MORN4: variants seen among roughly 807,000 people sequenced by gnomAD.
MORN4 encodes MORN repeat-containing protein 4.
MORN4 carries 8 observed loss-of-function variants against 16.4 expected under a neutral mutation model. The ratio of observed to expected loss-of-function variants is 0.49; its 90% CI spans 0.29 to 0.88. MORN4 has a LOEUF of 0.88. Ranked by LOEUF, MORN4 falls within the 40% of genes least tolerant of loss-of-function variation. MORN4 has a pLI of 0.09. For synonymous variants in MORN4, 53 were observed against 68.9 expected (o/e 0.77, Z 1.14); for missense variants, 159 against 182.9 (o/e 0.87, Z 0.75).
chr10:97,628,538 CTTT>C (rs746160008), intron 1 of MORN4, among the ~76,000 whole-genome samples: 1 of 145,004 alleles, frequency 6.9e-6, no homozygotes. Context: ...TTTTTTCTTT[CTTT>C]TTTTTTTTTT....
intron 1 of MORN4, among the ~76,000 whole-genome samples, chr10:97,624,579 C>G (rs1488747816): frequency 6.6e-6 from 1 of 152,144 alleles, no homozygotes; most frequent in Non-Finnish European, 1.5e-5. Context: ...CCAACACACC[C>G]AGCTACTTTT....
intron 1 of MORN4, among the ~76,000 whole-genome samples, chr10:97,632,469 G>A (rs998308027): frequency 5.2e-4 from 79 of 151,850 alleles, no homozygotes; most frequent in African/African-American, 1.5e-3. Flanking sequence ...CACCCGCCTC[G>A]GCCTCCCAAA....
intron 1 of MORN4, 71 bp from the exon 2 acceptor site, chr10:97,619,754 T>G (rs1398006653): frequency 7.9e-7 from 1 of 1,262,486 alleles, no homozygotes; most frequent in African/African-American, 1.5e-5. Context: ...GGCAATTTTA[T>G]AGATACATTC....
At chr10:97,625,516 T>A (rs2041338937) in intron 1 of MORN4, among the ~76,000 whole-genome samples, 1 of 152,250 alleles carries the variant, frequency 6.6e-6, no homozygotes, top group Non-Finnish European at 1.5e-5. Context: ...CACTAAATGT[T>A]AGTTTCTTTC....
At chr10:97,626,399 ATAATC>A (rs752166823) in intron 1 of MORN4, among the ~76,000 whole-genome samples, 2,296 of 19,172 alleles carry the variant, frequency 0.12, 31 homozygotes, top group South Asian at 0.23. Flanking sequence ...AATAATAATC[ATAATC>A]ATAATCATAA....
rs1440970869 is a variant in MORN4, at chr10:97,614,680, G to A, written c.*1583C>T. 6.6e-6 allele frequency: 1 copy of A among 152,666 alleles called. No individual in the cohort carries two copies. Among genetic ancestry groups the A allele is most frequent in the Non-Finnish European group, 1.5e-5 (1 of 68,058 alleles). 9.5% of individuals were successfully genotyped at this position (152,666 alleles called of 1,614,324 possible). Reference sequence around the variant, plus strand: ...GCTGTTGAAGAGACATTCAATGTGAGGCTAGGGAGCTAGAGGTGGGGGACG... The same window carrying A: ...GCTGTTGAAGAGACATTCAATGTGAAGCTAGGGAGCTAGAGGTGGGGGACG... On this transcript the variant is annotated 3_prime_UTR_variant, in exon 5 of 5. Coordinates refer to ENST00000307450, the MANE Select transcript of MORN4 (RefSeq NM_178832.4).
At chr10:97,622,171 A>G (rs11189297) in intron 1 of MORN4, among the ~76,000 whole-genome samples, 25,367 of 152,156 alleles carry the variant, frequency 0.17, 2,347 homozygotes, top group Non-Finnish European at 0.21. Flanking sequence ...GACTCACAGG[A>G]TAAATAAATG....
At chr10:97,629,159 G>A (rs958698958) in intron 1 of MORN4, among the ~76,000 whole-genome samples, 3 of 151,958 alleles carry the variant, frequency 2.0e-5, no homozygotes, top group African/African-American at 4.8e-5. Context: ...AGGCCGAGGC[G>A]GACGGATCAC....
Position 97,615,417 on chromosome 10 carries a change from A to G in MORN4, c.*846T>C, listed in dbSNP as rs2041228015. 1 of 152,200 alleles carries G rather than the reference A, an allele frequency of 6.6e-6. No individual in the cohort carries two copies. Among genetic ancestry groups the G allele is most frequent in the South Asian group, 2.1e-4 (1 of 4,828 alleles). The allele number at this position is 152,200 out of a possible 1,614,324, so 9.4% of individuals were successfully genotyped here. ...AGCCACATAGCAAGACCCTGGCTCA[A>G]TTTTTTATAATAATAAAATTAAAGG... On this transcript the variant is annotated 3_prime_UTR_variant, in exon 5 of 5. Coordinates refer to ENST00000307450, the MANE Select transcript of MORN4 (RefSeq NM_178832.4).
chr10:97,619,201 T>C (rs919091560), intron 2 of MORN4, among the ~76,000 whole-genome samples: 1 of 152,066 alleles, frequency 6.6e-6, no homozygotes, highest in African/African-American at 2.4e-5. Flanking sequence ...GGCAGGCGCC[T>C]GTAATCCCAG....
At chr10:97,621,578 T>A (rs1256915839) in intron 1 of MORN4, among the ~76,000 whole-genome samples, 1 of 152,136 alleles carries the variant, frequency 6.6e-6, no homozygotes. Context: ...AGGCAGATCC[T>A]CCCATTAAGA....
rs570983644 is a variant in MORN4 at position 97,622,881 on chromosome 10, T to G, written c.-30-3198A>C. On this transcript the variant is annotated intron_variant, in intron 1 of 4. Coordinates refer to ENST00000307450, the MANE Select transcript of MORN4 (RefSeq NM_178832.4). Reference sequence around the variant, plus strand: ...TTCATTTATTTATTTATTTATTTATTTATTTATTTATTTATTTTTTAGAGA... The same window carrying G: ...TTCATTTATTTATTTATTTATTTATGTATTTATTTATTTATTTTTTAGAGA... Among the ~76,000 whole-genome samples, 17 of 150,220 alleles carry G rather than the reference T, an allele frequency of 1.1e-4. No homozygotes were observed. In the East Asian group the frequency reaches 2.7e-3, roughly 24 times the overall value.
chr10:97,624,251 C>T (rs548694185), intron 1 of MORN4, among the ~76,000 whole-genome samples: 52 of 152,310 alleles, frequency 3.4e-4, no homozygotes, highest in African/African-American at 1.2e-3. Context: ...TTTGCTTTCT[C>T]CACATTGTCA....
At chr10:97,624,578 C>T (rs2041331750) in intron 1 of MORN4, among the ~76,000 whole-genome samples, 1 of 152,054 alleles carries the variant, frequency 6.6e-6, no homozygotes, top group Non-Finnish European at 1.5e-5. Flanking sequence ...GCCAACACAC[C>T]CAGCTACTTT....
At position 97,629,747 on chromosome 10, in the gene MORN4, T is replaced by C. The variant is rs1431612612; in HGVS notation, c.-31+3600A>G. ...AGAATCCATGAGCATCATATGGGTG[T>C]TTTTTTTTTGTTTGTTTGTTTTGTT... On this transcript the variant is annotated intron_variant, in intron 1 of 4. Coordinates refer to ENST00000307450, the MANE Select transcript of MORN4 (RefSeq NM_178832.4). Among the ~76,000 whole-genome samples the C allele has an allele frequency of 2.7e-5, 4 of 147,690 alleles. No individual in the cohort carries two copies. In the South Asian group the frequency reaches 8.6e-4, roughly 32 times the overall value.
intron 1 of MORN4, among the ~76,000 whole-genome samples, chr10:97,625,928 C>G (rs1357211610): frequency 6.6e-6 from 1 of 152,134 alleles, no homozygotes; most frequent in Non-Finnish European, 1.5e-5. Context: ...CCACCATGCC[C>G]AACTAACTTT....
chr10:97,616,239 TATC>T lies in MORN4; in HGVS notation c.*21_*23del. 1 of 1,547,892 alleles carries T rather than the reference TATC, an allele frequency of 6.5e-7. No individual in the cohort carries two copies. Among genetic ancestry groups the T allele is most frequent in the Non-Finnish European group, 8.7e-7 (1 of 1,148,800 alleles). ...AGGGGCACTGGCTTTACCCAATACT[TATC>T]AGCTGGTGCCCACTGCGCTGTCAGG... is the stretch of plus-strand genomic sequence containing the variant. On this transcript the variant is annotated 3_prime_UTR_variant, in exon 5 of 5. Transcript: ENST00000307450.
chr10:97,631,987 G>C (rs2041400060), intron 1 of MORN4, among the ~76,000 whole-genome samples: 1 of 151,976 alleles, frequency 6.6e-6, no homozygotes, highest in South Asian at 2.1e-4. Context: ...TGGGGCGGTG[G>C]GGGAGATCCA....
At chr10:97,627,380 G>A (rs1589923151) in intron 1 of MORN4, among the ~76,000 whole-genome samples, 5 of 152,250 alleles carry the variant, frequency 3.3e-5, no homozygotes, top group Admixed American at 2.6e-4. Flanking sequence ...CTGGCCTCAT[G>A]TGATCTGCCC....
Sources: allele counts gnomAD v4.1 joint callset (sites outside exome capture counted in the v4.1 genomes callset), GRCh38; gene constraint gnomAD v4.1.1; transcripts MANE v1.5; gene names NCBI Gene and HGNC (gene_info 2026-07-23, HGNC 2026-07-21).